Variants in KAZN observed in about 807,000 individuals in gnomAD.
The protein encoded by KAZN is kazrin.
Under a neutral mutation model 87.4 loss-of-function variants are expected in KAZN, and 40 were observed. The ratio of observed to expected loss-of-function variants is 0.46; its 90% CI spans 0.36 to 0.60. The LOEUF (loss-of-function observed/expected upper bound fraction) is 0.60. KAZN is among the 20% of genes least tolerant of loss of function. The probability of loss-of-function intolerance (pLI) is 0.00; values close to 1 mark genes in which losing one functional copy is unlikely to be tolerated. For missense variants in KAZN, 898 were observed against 1,073.9 expected (o/e 0.84, Z 2.29); for synonymous variants, 466 against 458.3 (o/e 1.02, Z -0.22).
chr1:14,471,409 G>T (rs1015492660), intron 2 of KAZN, among the ~76,000 whole-genome samples: 1 of 152,126 alleles, frequency 6.6e-6, no homozygotes, highest in African/African-American at 2.4e-5. Context: ...TGGTGTTTTT[G>T]TGTGCAATTT....
chr1:14,418,707 TG>T (rs1665052060), intron 2 of KAZN, among the ~76,000 whole-genome samples: 1 of 152,202 alleles, frequency 6.6e-6, no homozygotes, highest in South Asian at 2.1e-4. Context: ...AGCAACTTTT[TG>T]TCTATGATCT....
chr1:14,359,778 G>A (rs1401735759), intron 2 of KAZN, among the ~76,000 whole-genome samples: 1 of 152,174 alleles, frequency 6.6e-6, no homozygotes, highest in Non-Finnish European at 1.5e-5. Flanking sequence ...CTCTCTTCTG[G>A]CTTGTAGGGT....
At chr1:14,396,971 C>T (rs145243407) in intron 2 of KAZN, among the ~76,000 whole-genome samples, 2 of 152,082 alleles carry the variant, frequency 1.3e-5, no homozygotes, top group East Asian at 3.9e-4. Flanking sequence ...GTTTATGTCT[C>T]CATCTCTATT....
At chr1:14,823,246 A>G (rs1646787752) in intron 1 of KAZN, among the ~76,000 whole-genome samples, 3 of 152,094 alleles carry the variant, frequency 2.0e-5, no homozygotes, top group Admixed American at 6.5e-5. Flanking sequence ...CAGTCAGGAG[A>G]AAACTGGGCA....
chr1:14,189,751 G>A (rs1220012052), intron 2 of KAZN, among the ~76,000 whole-genome samples: 2 of 152,138 alleles, frequency 1.3e-5, no homozygotes, highest in African/African-American at 2.4e-5. Flanking sequence ...TCGCATCACC[G>A]AGGCCAGAGT....
At chr1:13,934,037 C>T (rs1640628460) in intron 1 of KAZN, among the ~76,000 whole-genome samples, 1 of 152,118 alleles carries the variant, frequency 6.6e-6, no homozygotes, top group Non-Finnish European at 1.5e-5. Flanking sequence ...TACCTCCACG[C>T]CTTTGAATAA....
intron 1 of KAZN, among the ~76,000 whole-genome samples, chr1:14,634,625 C>T (rs1572098010): frequency 6.6e-6 from 1 of 152,322 alleles, no homozygotes; most frequent in Non-Finnish European, 1.5e-5. Context: ...TTCCCCTACC[C>T]GTTCAGTAAC....
At chr1:14,682,322 C>T (rs1315894146) in intron 1 of KAZN, among the ~76,000 whole-genome samples, 7 of 147,880 alleles carry the variant, frequency 4.7e-5, no homozygotes, top group African/African-American at 7.4e-5. Flanking sequence ...GGGTCTTGCT[C>T]GGTTGCTCAG....
intron 1 of KAZN, among the ~76,000 whole-genome samples, chr1:14,716,689 T>C (rs1380051010): frequency 6.6e-6 from 1 of 152,192 alleles, no homozygotes; most frequent in Non-Finnish European, 1.5e-5. Flanking sequence ...ACCATGTGCC[T>C]GAGCCGTCCT....
intron 1 of KAZN, among the ~76,000 whole-genome samples, chr1:14,668,675 C>T (rs1416533886): frequency 6.6e-6 from 1 of 152,156 alleles, no homozygotes; most frequent in East Asian, 1.9e-4. Flanking sequence ...GTTGATGCTG[C>T]TTTAAAAATC....
intron 2 of KAZN, among the ~76,000 whole-genome samples, chr1:14,523,509 C>T (rs1275253535): frequency 6.6e-6 from 1 of 152,226 alleles, no homozygotes; most frequent in Non-Finnish European, 1.5e-5. Flanking sequence ...GTGTCCCATC[C>T]CTGCAAATGT....
chr1:14,707,567 A>G (rs527853782), intron 1 of KAZN, among the ~76,000 whole-genome samples: 106 of 152,160 alleles, frequency 7.0e-4, no homozygotes, highest in African/African-American at 2.5e-3. Context: ...TCATTTCCCA[A>G]CGTACTCTCC....
At chr1:14,913,969 G>A (rs1027821642) in intron 1 of KAZN, among the ~76,000 whole-genome samples, 10 of 152,168 alleles carry the variant, frequency 6.6e-5, no homozygotes, top group Non-Finnish European at 1.3e-4. Flanking sequence ...ACATAATTCC[G>A]ACACCACAGC....
intron 2 of KAZN, among the ~76,000 whole-genome samples, chr1:14,204,655 TAAA>T (rs1646702708): frequency 6.6e-6 from 1 of 152,332 alleles, no homozygotes; most frequent in South Asian, 2.1e-4. Context: ...GTGACAAATG[TAAA>T]GAATGGTTCA....
chr1:14,092,455 A>C (rs1267630037), intron 1 of KAZN, among the ~76,000 whole-genome samples: 4 of 150,148 alleles, frequency 2.7e-5, no homozygotes, highest in African/African-American at 9.7e-5. Flanking sequence ...AAATAAATAA[A>C]TAAATTATAT....
At chr1:14,618,104 A>T (rs1678394737) in intron 1 of KAZN, among the ~76,000 whole-genome samples, 1 of 152,170 alleles carries the variant, frequency 6.6e-6, no homozygotes, top group Non-Finnish European at 1.5e-5. Context: ...ATTGCTAAGC[A>T]AGGAAAGGCT....
intron 1 of KAZN, among the ~76,000 whole-genome samples, chr1:14,128,727 G>A (rs544658929): frequency 2.6e-5 from 4 of 152,062 alleles, no homozygotes; most frequent in East Asian, 3.9e-4. Context: ...GGGGTGAGGA[G>A]GGACATATTC....
At chr1:13,975,063 C>G (rs951410585) in intron 1 of KAZN, among the ~76,000 whole-genome samples, 2 of 152,082 alleles carry the variant, frequency 1.3e-5, no homozygotes, top group African/African-American at 4.8e-5. Flanking sequence ...AGGCACTGTG[C>G]TGGATTTTGG....
At chr1:14,831,849 A>G (rs906267745) in intron 1 of KAZN, among the ~76,000 whole-genome samples, 1 of 152,210 alleles carries the variant, frequency 6.6e-6, no homozygotes. Context: ...TGTATTATTC[A>G]GGACTCTGGG....
Sources: gnomAD v4.1 joint callset for allele counts (sites outside exome capture counted in the v4.1 genomes callset) on GRCh38, gnomAD v4.1.1 for gene constraint, MANE v1.5 for transcripts, NCBI Gene and HGNC (gene_info 2026-07-23, HGNC 2026-07-21) for gene names.